CR1: variants seen among roughly 807,000 people sequenced by gnomAD.
The protein encoded by CR1 is complement C3b/C4b receptor 1 (Knops blood group).
CR1 carries 116 observed loss-of-function variants against 187.3 expected under a neutral mutation model. The ratio of observed to expected loss-of-function variants is 0.62; its 90% CI spans 0.53 to 0.72. CR1 has a LOEUF of 0.72. Among genes scored for constraint, CR1 ranks in the 30% least tolerant of loss-of-function variants. The probability of loss-of-function intolerance (pLI) is 0.00; values close to 1 mark genes in which losing one functional copy is unlikely to be tolerated. For missense variants in CR1, 1,731 were observed against 2,110.7 expected, an observed-to-expected ratio of 0.82 and a Z score of 3.52; for synonymous variants, 576 against 747.1, an observed-to-expected ratio of 0.77 and a Z score of 3.73.
chr1:207,636,290 C>T (rs1398020281), intron 46 of CR1, among the ~76,000 whole-genome samples: 2 of 152,172 alleles, frequency 1.3e-5, no homozygotes, highest in Non-Finnish European at 2.9e-5. Context: ...GCGATTGCCT[C>T]AGTTCCTGGC....
chr1:207,581,161 T>G (rs1315369520), intron 31 of CR1, among the ~76,000 whole-genome samples: 1 of 151,858 alleles, frequency 6.6e-6, no homozygotes, highest in Non-Finnish European at 1.5e-5. Flanking sequence ...TACGTATACA[T>G]GTACATGTGT....
At chr1:207,598,132 G>A (rs1453507389) in intron 35 of CR1, among the ~76,000 whole-genome samples, 2 of 152,144 alleles carry the variant, frequency 1.3e-5, no homozygotes, top group Non-Finnish European at 2.9e-5. Flanking sequence ...TTTCTCATTG[G>A]GATGGTGAAA....
intron 1 of CR1, among the ~76,000 whole-genome samples, chr1:207,501,161 G>T (rs528356955): frequency 2.0e-5 from 3 of 152,314 alleles, no homozygotes; most frequent in South Asian, 2.1e-4. Flanking sequence ...AGTGATTCGG[G>T]TTATATGAAA....
At chr1:207,593,736 C>T (rs948516779) in intron 35 of CR1, among the ~76,000 whole-genome samples, 1 of 152,158 alleles carries the variant, frequency 6.6e-6, no homozygotes, top group Non-Finnish European at 1.5e-5. Context: ...TATCCAGAAT[C>T]TACAAGGAAC....
intron 45 of CR1, among the ~76,000 whole-genome samples, chr1:207,629,934 A>ATAGT (rs1421398173): frequency 6.6e-6 from 1 of 152,232 alleles, no homozygotes; most frequent in African/African-American, 2.4e-5. Context: ...CTTACTTAAC[A>ATAGT]TAGTGCCTCA....
chr1:207,601,543 A>G (rs542514664), intron 35 of CR1, among the ~76,000 whole-genome samples: 1 of 152,262 alleles, frequency 6.6e-6, no homozygotes, highest in African/African-American at 2.4e-5. Context: ...AGCAATGCAC[A>G]AATGTTCCAA....
chr1:207,626,643 G>A (rs917922008), intron 45 of CR1, among the ~76,000 whole-genome samples: 2 of 152,108 alleles, frequency 1.3e-5, no homozygotes, highest in African/African-American at 4.8e-5. Context: ...CTCTATGGGA[G>A]AGCCACAGTC....
At chr1:207,619,036 CAAAA>C (rs71727231) in intron 42 of CR1, among the ~76,000 whole-genome samples, 9 of 38,486 alleles carry the variant, frequency 2.3e-4, no homozygotes, top group Non-Finnish European at 6.9e-4. Context: ...GACTCCGTCT[CAAAA>C]AAAAAAAAAA....
At chr1:207,638,149 T>C (rs898719413) in intron 46 of CR1, among the ~76,000 whole-genome samples, 4 of 152,250 alleles carry the variant, frequency 2.6e-5, no homozygotes. Context: ...TTGAGTGTTC[T>C]ATTAGTTCTT....
intron 32 of CR1, among the ~76,000 whole-genome samples, chr1:207,582,405 C>A (rs1312666731): frequency 6.6e-6 from 1 of 152,138 alleles, no homozygotes; most frequent in Non-Finnish European, 1.5e-5. Context: ...CTACTATGTG[C>A]CAAGCAATCT....
intron 35 of CR1, among the ~76,000 whole-genome samples, chr1:207,589,784 G>A (rs1036161663): frequency 3.3e-5 from 5 of 152,258 alleles, no homozygotes; most frequent in African/African-American, 1.2e-4. Flanking sequence ...TGACCTGATG[G>A]AGCTGAAAAA....
intron 45 of CR1, among the ~76,000 whole-genome samples, chr1:207,626,867 GTC>G (rs1223744906): frequency 2.0e-5 from 3 of 152,078 alleles, no homozygotes; most frequent in East Asian, 3.9e-4. Context: ...GCAAAACCCT[GTC>G]TCTACTAAAA....
intron 35 of CR1, among the ~76,000 whole-genome samples, chr1:207,603,625 G>A (rs745715608): frequency 4.6e-5 from 7 of 151,970 alleles, no homozygotes; most frequent in South Asian, 4.1e-4. Flanking sequence ...TAAGCCAAAC[G>A]ACTACACTGT....
intron 30 of CR1, 25 bp from the exon 31 acceptor site, chr1:207,580,486 C>CTTTTTTTTT: frequency 2.2e-6 from 3 of 1,378,366 alleles, no homozygotes; most frequent in South Asian, 1.3e-5. Flanking sequence ...CCTATTTTTT[C>CTTTTTTTTT]TTTTTTTTTT....
intron 45 of CR1, 85 bp downstream of exon 45, chr1:207,623,153 C>G: frequency 1.1e-6 from 1 of 921,758 alleles, no homozygotes; most frequent in East Asian, 2.6e-5. Context: ...ACAAACAAAC[C>G]CATTGCTACA....
At chr1:207,520,493 G>A (rs1659941516) in intron 4 of CR1, among the ~76,000 whole-genome samples, 2 of 152,182 alleles carry the variant, frequency 1.3e-5, no homozygotes, top group South Asian at 4.1e-4. Flanking sequence ...CCCAATAAAG[G>A]CATTGGCTGA....
chr1:207,581,635 C>T (rs560723258), intron 31 of CR1, among the ~76,000 whole-genome samples: 10 of 152,100 alleles, frequency 6.6e-5, no homozygotes, highest in African/African-American at 2.2e-4. Context: ...GGAATAGGAA[C>T]GAAAGAGTAA....
At chr1:207,497,122 T>A (rs1274074993) in intron 1 of CR1, among the ~76,000 whole-genome samples, 1 of 152,244 alleles carries the variant, frequency 6.6e-6, no homozygotes. Flanking sequence ...TGCCAGGCAC[T>A]TGCGGATTAG....
Position 207,617,505 on chromosome 1 carries a change from A to G in CR1, c.6890-566A>G, listed in dbSNP as rs796579826. On this transcript the variant is annotated intron_variant, in intron 41 of 46. Transcript: ENST00000367049. ...AAAGTATATATATATATATATATAT[A>G]TATGTGTGTGTGTGTGTGTGTGTGT... is the stretch of plus-strand genomic sequence containing the variant. 7.1e-3 allele frequency among the ~76,000 whole-genome samples: 291 copies of G among 40,868 alleles called. 27 individuals carry two copies. Among genetic ancestry groups the G allele is most frequent in the Admixed American group, 0.013 (41 of 3,202 alleles). The allele number at this position is 40,868 out of a possible 152,430, so 26.8% of individuals were successfully genotyped here.
Sources: gnomAD v4.1 joint callset for allele counts (sites outside exome capture counted in the v4.1 genomes callset) on GRCh38, gnomAD v4.1.1 for gene constraint, MANE v1.5 for transcripts, NCBI Gene and HGNC (gene_info 2026-07-23, HGNC 2026-07-21) for gene names.